LRRC4C: variants seen among roughly 807,000 people sequenced by gnomAD.
The protein encoded by LRRC4C is leucine rich repeat containing 4C, also known as leucine-rich repeat-containing protein 4C.
In LRRC4C, 5 loss-of-function variants were observed where a neutral mutation model predicts 33.6. The ratio of observed to expected loss-of-function variants is 0.15; its 90% CI spans 0.08 to 0.31. The LOEUF is 0.31. Ranked by LOEUF, LRRC4C falls within the 10% of genes least tolerant of loss-of-function variation. The probability of loss-of-function intolerance (pLI) is 1.00; values close to 1 mark genes in which losing one functional copy is unlikely to be tolerated. For missense variants in LRRC4C, 560 were observed against 796.7 expected, an observed-to-expected ratio of 0.70 and a Z score of 3.58; for synonymous variants, 329 against 302.0, an observed-to-expected ratio of 1.09 and a Z score of -0.93.
chr11:40,151,859 G>A (rs1858240387), intron 5 of LRRC4C, among the ~76,000 whole-genome samples: 1 of 152,120 alleles, frequency 6.6e-6, no homozygotes. Context: ...TTTAATTCTG[G>A]TAAGTGCCTG....
intron 2 of LRRC4C, among the ~76,000 whole-genome samples, chr11:40,651,356 G>A (rs1942786252): frequency 6.6e-6 from 1 of 151,904 alleles, no homozygotes; most frequent in Non-Finnish European, 1.5e-5. Flanking sequence ...GATGGGGGTG[G>A]GGGAGAGGAG....
chr11:40,354,674 G>A (rs1947574000), intron 3 of LRRC4C, among the ~76,000 whole-genome samples: 1 of 152,088 alleles, frequency 6.6e-6, no homozygotes, highest in African/African-American at 2.4e-5. Flanking sequence ...CAAGGCCCAA[G>A]GGCTCTTTAA....
chr11:40,840,130 T>C (rs1186121324), intron 2 of LRRC4C, among the ~76,000 whole-genome samples: 1 of 152,154 alleles, frequency 6.6e-6, no homozygotes, highest in African/African-American at 2.4e-5. Flanking sequence ...AAAGTGCAGA[T>C]AGGATCCATA....
chr11:40,911,214 G>A (rs916054116), intron 2 of LRRC4C, among the ~76,000 whole-genome samples: 11 of 152,162 alleles, frequency 7.2e-5, no homozygotes, highest in African/African-American at 1.2e-4. Context: ...CTCCCAGCAC[G>A]CAGCTTGAGA....
intron 1 of LRRC4C, among the ~76,000 whole-genome samples, chr11:41,058,504 C>T (rs532153824): frequency 4.6e-5 from 7 of 152,342 alleles, no homozygotes; most frequent in South Asian, 2.1e-4. Context: ...GCCAAGTGGG[C>T]GAAAGGAGCC....
intron 1 of LRRC4C, among the ~76,000 whole-genome samples, chr11:41,089,701 T>C (rs1187005979): frequency 6.6e-6 from 1 of 152,122 alleles, no homozygotes; most frequent in South Asian, 2.1e-4. Context: ...ATATCTGACA[T>C]ATAATTTACA....
At chr11:40,895,219 T>C (rs1386671985) in intron 2 of LRRC4C, among the ~76,000 whole-genome samples, 7 of 152,102 alleles carry the variant, frequency 4.6e-5, no homozygotes, top group African/African-American at 1.4e-4. Context: ...AGTTATATCT[T>C]AGAATTATTT....
intron 3 of LRRC4C, among the ~76,000 whole-genome samples, chr11:40,481,319 AG>A (rs1953551399): frequency 1.3e-5 from 2 of 152,268 alleles, no homozygotes; most frequent in South Asian, 4.1e-4. Flanking sequence ...TTTACAATAT[AG>A]TCATCTTTCT....
chr11:41,243,511 G>A (rs1298818660), intron 1 of LRRC4C, among the ~76,000 whole-genome samples: 5 of 152,146 alleles, frequency 3.3e-5, no homozygotes, highest in Middle Eastern at 3.2e-3. Flanking sequence ...TTCCTTCCCA[G>A]ATAAGTATTT....
chr11:41,084,905 A>G (rs774806447), intron 1 of LRRC4C, among the ~76,000 whole-genome samples: 2 of 152,178 alleles, frequency 1.3e-5, no homozygotes, highest in Non-Finnish European at 2.9e-5. Context: ...TATTAATTGT[A>G]ATTTAAGTGG....
At chr11:40,630,371 C>G (rs1255278767) in intron 3 of LRRC4C, among the ~76,000 whole-genome samples, 1 of 121,296 alleles carries the variant, frequency 8.2e-6, no homozygotes, top group Non-Finnish European at 1.7e-5. Context: ...TCTTCTTCTT[C>G]TTCTTCTTCT....
intron 1 of LRRC4C, among the ~76,000 whole-genome samples, chr11:41,235,275 G>A (rs1321614010): frequency 2.6e-5 from 4 of 152,018 alleles, no homozygotes; most frequent in Non-Finnish European, 4.4e-5. Flanking sequence ...TAAAAAAAAT[G>A]CAACCATTTG....
chr11:40,610,324 T>C (rs2135877611), intron 3 of LRRC4C, among the ~76,000 whole-genome samples: 1 of 151,918 alleles, frequency 6.6e-6, no homozygotes, highest in Admixed American at 6.6e-5. Flanking sequence ...AACAACTTTT[T>C]ACAATAAAAA....
chr11:40,482,701 G>A (rs1953648061), intron 3 of LRRC4C, among the ~76,000 whole-genome samples: 1 of 151,944 alleles, frequency 6.6e-6, no homozygotes, highest in Non-Finnish European at 1.5e-5. Flanking sequence ...AAACTCCTGG[G>A]CTCAAGCAAT....
intron 1 of LRRC4C, among the ~76,000 whole-genome samples, chr11:40,935,002 C>A (rs763343728): frequency 6.6e-6 from 1 of 152,108 alleles, no homozygotes; most frequent in African/African-American, 2.4e-5. Context: ...TATTCTTTCC[C>A]TCCTTAATTT....
chr11:40,891,224 G>A (rs905034139), intron 2 of LRRC4C, among the ~76,000 whole-genome samples: 1 of 151,876 alleles, frequency 6.6e-6, no homozygotes, highest in South Asian at 2.1e-4. Flanking sequence ...GCAACAAGAG[G>A]GAAACTCTGT....
chr11:41,290,885 T>C (rs1225513848), intron 1 of LRRC4C, among the ~76,000 whole-genome samples: 1 of 152,132 alleles, frequency 6.6e-6, no homozygotes, highest in Non-Finnish European at 1.5e-5. Context: ...ACCCTGACAC[T>C]GAAGTTCCTG....
At chr11:41,443,089 A>ATTTTTTTTTTTTTT in intron 1 of LRRC4C, among the ~76,000 whole-genome samples, 1 of 105,994 alleles carries the variant, frequency 9.4e-6, no homozygotes, top group African/African-American at 3.7e-5. Flanking sequence ...TGTTTGCTTC[A>ATTTTTTTTTTTTTT]TTTTTTTTTT....
chr11:40,168,064 A>C lies in LRRC4C; in HGVS notation c.-95-27211T>G, dbSNP rs112882810. On this transcript the variant is annotated intron_variant, in intron 5 of 6. Coordinates refer to ENST00000528697, the MANE Select transcript of LRRC4C (RefSeq NM_001258419.2). ...TCTCAAACAAACAAACAAAAAACAA[A>C]AAAACAAAACAAAACAAAAAAACTA... 1.1e-3 allele frequency among the ~76,000 whole-genome samples: 165 copies of C among 152,266 alleles called. 1 individual carries two copies. The highest frequency in any genetic ancestry group is 1.7e-3 in the Non-Finnish European group (113 of 68,018).
Sources: allele counts gnomAD v4.1 joint callset (sites outside exome capture counted in the v4.1 genomes callset), GRCh38; gene constraint gnomAD v4.1.1; transcripts MANE v1.5; gene names NCBI Gene and HGNC (gene_info 2026-07-23, HGNC 2026-07-21).